Variants in CHRNA7 observed in about 807,000 individuals in gnomAD.
CHRNA7 encodes neuronal acetylcholine receptor subunit alpha-7.
Under a neutral mutation model 48.0 loss-of-function variants are expected in CHRNA7, and 17 were observed. The observed-to-expected ratio is 0.35, with a 90% CI of 0.24 to 0.53. CHRNA7 has a LOEUF of 0.53. Ranked by LOEUF, CHRNA7 falls within the 20% of genes least tolerant of loss-of-function variation. The pLI is 0.92. For missense variants in CHRNA7, 155 were observed against 577.7 expected, an observed-to-expected ratio of 0.27 and a Z score of 7.50; for synonymous variants, 75 against 242.3, an observed-to-expected ratio of 0.31 and a Z score of 6.41.
At chr15:32,141,993 G>C (rs1037868760) in intron 4 of CHRNA7, among the ~76,000 whole-genome samples, 1 of 152,172 alleles carries the variant, frequency 6.6e-6, no homozygotes, top group African/African-American at 2.4e-5. Flanking sequence ...TCCTTGTCTT[G>C]TGCCAGTTTT....
At chr15:32,107,276 C>T (rs1307808355) in intron 3 of CHRNA7, among the ~76,000 whole-genome samples, 1 of 152,054 alleles carries the variant, frequency 6.6e-6, no homozygotes, top group African/African-American at 2.4e-5. Context: ...CTTCAGATAC[C>T]AGCTGCAAAT....
rs553486847 is a variant in CHRNA7 at position 32,051,052 on chromosome 15, C to T, written c.195+20015C>T. On this transcript the variant is annotated intron_variant, in intron 2 of 9. Transcript: ENST00000306901. Reference sequence around the variant, plus strand: ...CCGGCCGTGTGAGGTGTCAGTCTGCCCCTACTTGGGGGTGCCTCCCAGTTA... The same window carrying T: ...CCGGCCGTGTGAGGTGTCAGTCTGCTCCTACTTGGGGGTGCCTCCCAGTTA... 3.3e-5 allele frequency among the ~76,000 whole-genome samples: 5 copies of T among 152,030 alleles called. No individual in the cohort carries two copies. In the South Asian group the frequency reaches 1.0e-3, roughly 32 times the overall value.
intron 2 of CHRNA7, among the ~76,000 whole-genome samples, chr15:32,059,671 C>T: frequency 6.6e-6 from 1 of 152,094 alleles, no homozygotes; most frequent in East Asian, 1.9e-4. Flanking sequence ...TTGAGTCTAA[C>T]AGATATCTCA....
chr15:32,030,709 G>T, intron 1 of CHRNA7, 60 bp downstream of exon 1: 1 of 1,539,958 alleles, frequency 6.5e-7, no homozygotes, highest in Non-Finnish European at 8.7e-7. Flanking sequence ...CATCCCGGGC[G>T]CCTCTGTGCG....
intron 2 of CHRNA7, among the ~76,000 whole-genome samples, chr15:32,072,107 T>C (rs1230170651): frequency 6.6e-6 from 1 of 152,126 alleles, no homozygotes; most frequent in Non-Finnish European, 1.5e-5. Flanking sequence ...GCTGATGAAG[T>C]CTCAGATAGA....
intron 3 of CHRNA7, among the ~76,000 whole-genome samples, chr15:32,107,867 A>G (rs1196872805): frequency 6.6e-6 from 1 of 152,128 alleles, no homozygotes; most frequent in East Asian, 1.9e-4. Flanking sequence ...CTAGGTGCCC[A>G]ACCCTAAGTC....
At chr15:32,124,270 G>A (rs1304779579) in intron 4 of CHRNA7, among the ~76,000 whole-genome samples, 2 of 151,968 alleles carry the variant, frequency 1.3e-5, no homozygotes, top group Non-Finnish European at 2.9e-5. Context: ...ATAGATGAAA[G>A]ACAAAATACG....
At chr15:32,124,688 AG>A (rs11319820) in intron 4 of CHRNA7, among the ~76,000 whole-genome samples, 85,667 of 151,910 alleles carry the variant, frequency 0.56, 24,647 homozygotes, top group East Asian at 0.7. Context: ...GAGAAATGTT[AG>A]GGACTGAATG....
In CHRNA7 at chr15:32,112,749, C is replaced by T. The variant is rs372204387; in HGVS notation, c.350+850C>T. Among the ~76,000 whole-genome samples the T allele has an allele frequency of 6.2e-4, 94 of 152,306 alleles. 1 individual carries two copies. In the South Asian group the frequency reaches 0.016, roughly 26 times the overall value. On this transcript the variant is annotated intron_variant, in intron 4 of 9. Coordinates refer to ENST00000306901, the MANE Select transcript of CHRNA7 (RefSeq NM_000746.6). ...GACCAAATTGCCCTCCATGGTCACTCGGTGATCCCGCTGGACAAGCAATGT... is the reference window on the plus strand; with the variant it reads ...GACCAAATTGCCCTCCATGGTCACTTGGTGATCCCGCTGGACAAGCAATGT...
chr15:32,104,278 C>G lies in CHRNA7; in HGVS notation c.240+2931C>G, dbSNP rs1386808017. ...ACACGTCACCCGAGCCCGTGCCCCC[C>G]CCTCAGGGCCTTTGCACTGGCTGCT... On this transcript the variant is annotated intron_variant, in intron 3 of 9. Transcript: ENST00000306901. Among the ~76,000 whole-genome samples, 9 of 152,172 alleles carry G rather than the reference C, an allele frequency of 5.9e-5. No individual in the cohort carries two copies. In the East Asian group the frequency reaches 7.8e-4, roughly 13 times the overall value.
chr15:32,124,786 G>A (rs1484423289), intron 4 of CHRNA7, among the ~76,000 whole-genome samples: 1 of 152,184 alleles, frequency 6.6e-6, no homozygotes, highest in Non-Finnish European at 1.5e-5. Context: ...AGGGGATTGG[G>A]TCATAAAGGT....
Position 32,137,038 on chromosome 15 carries a change from AAAAAAAAAG to A in CHRNA7, c.351-16860_351-16852del, listed in dbSNP as rs1414207481. Among the ~76,000 whole-genome samples, 9 of 146,038 alleles carry A rather than the reference AAAAAAAAAG, an allele frequency of 6.2e-5. No homozygotes were observed. In the South Asian group the frequency reaches 1.1e-3, roughly 17 times the overall value. ...CAGAGCGAGACTCCGTCTCAAAAAA[AAAAAAAAAG>A]AAAAAAAAAAGAAAACAGGAGAAAC... On this transcript the variant is annotated intron_variant, in intron 4 of 9. Coordinates refer to ENST00000306901, the MANE Select transcript of CHRNA7 (RefSeq NM_000746.6).
At chr15:32,150,950 G>A (rs75918022) in intron 4 of CHRNA7, among the ~76,000 whole-genome samples, 27 of 152,122 alleles carry the variant, frequency 1.8e-4, no homozygotes, top group African/African-American at 5.5e-4. Context: ...GAAGTAAGGG[G>A]GGGGGATGTG....
rs558998628 is a variant in CHRNA7, at chr15:32,105,438, C to T, written c.240+4091C>T. 6.5e-4 allele frequency among the ~76,000 whole-genome samples: 83 copies of T among 128,112 alleles called. 1 individual carries two copies. The highest frequency in any genetic ancestry group is 6.1e-4 in the Admixed American group (7 of 11,526). 84.0% of individuals were successfully genotyped at this position (128,112 alleles called of 152,430 possible). A position where few individuals can be genotyped will look rare whatever the true frequency, so the allele number is the denominator to read the frequency against. ...GGTGGAGGAGGAGAAGGAAAAGAGG[C>T]GGAGGAGAAGGAGGAAGAGGAGGAG... On this transcript the variant is annotated intron_variant, in intron 3 of 9. Transcript: ENST00000306901.
chr15:32,147,765 C>T (rs1022238431), intron 4 of CHRNA7, among the ~76,000 whole-genome samples: 2 of 152,138 alleles, frequency 1.3e-5, no homozygotes, highest in African/African-American at 4.8e-5. Flanking sequence ...TTGCTGATTG[C>T]AGACCCTCAA....
At chr15:32,056,015 T>C (rs1047621618) in intron 2 of CHRNA7, among the ~76,000 whole-genome samples, 4 of 152,052 alleles carry the variant, frequency 2.6e-5, no homozygotes, top group Non-Finnish European at 5.9e-5. Flanking sequence ...ATTGCAGTTA[T>C]ATGTTTTGCA....
intron 4 of CHRNA7, among the ~76,000 whole-genome samples, chr15:32,150,128 T>C (rs1595505019): frequency 6.6e-6 from 1 of 152,316 alleles, no homozygotes; most frequent in African/African-American, 2.4e-5. Context: ...CATAGCTCAC[T>C]GCAGCCTCAA....
chr15:32,144,577 C>G (rs2051448498), intron 4 of CHRNA7, among the ~76,000 whole-genome samples: 1 of 152,208 alleles, frequency 6.6e-6, no homozygotes, highest in South Asian at 2.1e-4. Context: ...TTGGTCTTGT[C>G]ACATAGTCCC....
chr15:32,089,768 A>G (rs1014595481), intron 2 of CHRNA7, among the ~76,000 whole-genome samples: 3 of 152,162 alleles, frequency 2.0e-5, no homozygotes, highest in Non-Finnish European at 4.4e-5. Flanking sequence ...TTTTTCTGTA[A>G]TAAAGCAGAA....
Sources: gnomAD v4.1 joint callset for allele counts (sites outside exome capture counted in the v4.1 genomes callset) on GRCh38, gnomAD v4.1.1 for gene constraint, MANE v1.5 for transcripts, NCBI Gene and HGNC (gene_info 2026-07-23, HGNC 2026-07-21) for gene names.